The following CCDC93 variants were observed in gnomAD, a reference collection of about 807,000 sequenced individuals.
CCDC93 encodes CCC complex scaffolding subunit CCDC93.
CCDC93 carries 61 observed loss-of-function variants against 108.2 expected under a neutral mutation model. That is an observed-to-expected ratio of 0.56 (90% CI 0.46 to 0.70). CCDC93 has a LOEUF of 0.70. CCDC93 is among the 30% of genes least tolerant of loss of function. The probability of loss-of-function intolerance (pLI) is 0.00; values close to 1 mark genes in which losing one functional copy is unlikely to be tolerated. For synonymous variants in CCDC93, 276 were observed against 260.4 expected (o/e 1.06, Z -0.58); for missense variants, 685 against 764.2 (o/e 0.90, Z 1.22).
At chr2:117,993,299 G>A (rs370876013) in intron 6 of CCDC93, among the ~76,000 whole-genome samples, 187 of 152,096 alleles carry the variant, frequency 1.2e-3, no homozygotes, top group African/African-American at 4.3e-3. Flanking sequence ...GGGAGGCTGA[G>A]GCAGGAGAAT....
In CCDC93 at chr2:117,995,520, G is replaced by A; in HGVS notation, c.463-18C>T. 1 of 1,603,334 alleles carries A rather than the reference G, an allele frequency of 6.2e-7. No homozygotes were observed. Among genetic ancestry groups the A allele is most frequent in the South Asian group, 1.1e-5 (1 of 90,744 alleles). ...TCATCATCCTACAAGACAAAACAGA[G>A]CGATTAAACAAATCCCAAGGGAAAA... On this transcript the variant is annotated intron_variant, in intron 5 of 23. Coordinates refer to ENST00000376300, the MANE Select transcript of CCDC93 (RefSeq NM_019044.5).
chr2:117,960,780 T>C (rs1161359076), intron 11 of CCDC93, among the ~76,000 whole-genome samples: 2 of 152,186 alleles, frequency 1.3e-5, no homozygotes, highest in African/African-American at 2.4e-5. Context: ...TAATATGTTA[T>C]TTGCCTTTTC....
chr2:117,941,104 G>T, intron 19 of CCDC93, 85 bp downstream of exon 19: 1 of 942,748 alleles, frequency 1.1e-6, no homozygotes. Context: ...GTGCTCTGGT[G>T]CATGCTCCCC....
At chr2:117,932,737 G>C (rs1475557457) in intron 22 of CCDC93, among the ~76,000 whole-genome samples, 1 of 152,174 alleles carries the variant, frequency 6.6e-6, no homozygotes, top group Non-Finnish European at 1.5e-5. Context: ...CTGCCTGCAT[G>C]GGTCTCTGAC....
chr2:118,009,057 T>C (rs1676954446), intron 1 of CCDC93: 1 of 157,448 alleles, frequency 6.4e-6, no homozygotes, highest in African/African-American at 2.4e-5. Flanking sequence ...TTTTATGGTG[T>C]TTTCTAAAAA....
Position 117,948,200 on chromosome 2 carries a change from A to C in CCDC93, c.1143-14T>G. The C allele has an allele frequency of 6.3e-7, 1 of 1,598,228 alleles. No homozygotes were observed. Among genetic ancestry groups the C allele is most frequent in the Non-Finnish European group, 8.6e-7 (1 of 1,167,338 alleles). On this transcript the variant is annotated splice_polypyrimidine_tract_variant and intron_variant, in intron 14 of 23. Transcript: ENST00000376300. ...TTCTGTAGGATACTGAAGAGAAAAG[A>C]CAAAAAAATGACATATGGCAGGCCA...
intron 23 of CCDC93, among the ~76,000 whole-genome samples, chr2:117,925,701 T>C (rs1304545598): frequency 1.3e-5 from 2 of 151,112 alleles, no homozygotes; most frequent in African/African-American, 4.8e-5. Flanking sequence ...CTGTCAACAT[T>C]AGATCAACAA....
intron 23 of CCDC93, 49 bp from the exon 24 acceptor site, chr2:117,920,445 C>T: frequency 7.6e-7 from 1 of 1,314,296 alleles, no homozygotes; most frequent in Non-Finnish European, 1.1e-6. Context: ...ACATTAGCAC[C>T]CATGTGAGGC....
rs376751954 is a variant in CCDC93 at position 117,977,946 on chromosome 2, C to G, written c.657+48G>C. ...AGTGTTAGTCAGAGGTGAAGGGAGT[C>G]ACTTCCATCTCTCAAGTATTCTCTC... On this transcript the variant is annotated intron_variant, in intron 8 of 23. Coordinates refer to ENST00000376300, the MANE Select transcript of CCDC93 (RefSeq NM_019044.5). 3 of 1,544,480 alleles carry G rather than the reference C, an allele frequency of 1.9e-6. No homozygotes were observed. In the African/African-American group the frequency reaches 4.1e-5, roughly 21 times the overall value.
chr2:117,946,788 A>G, intron 16 of CCDC93, 23 bp downstream of exon 16: 3 of 1,568,212 alleles, frequency 1.9e-6, no homozygotes, highest in Non-Finnish European at 2.6e-6. Flanking sequence ...TGAGAGTCTC[A>G]AGGACTAATT....
intron 1 of CCDC93, among the ~76,000 whole-genome samples, chr2:118,011,296 C>A (rs1184579817): frequency 6.6e-6 from 1 of 152,152 alleles, no homozygotes; most frequent in Non-Finnish European, 1.5e-5. Context: ...GACTGATAAT[C>A]CCCTGCAATA....
chr2:118,012,273 C>CA lies in CCDC93; in HGVS notation c.42+1680dup, dbSNP rs34723469. On this transcript the variant is annotated intron_variant, in intron 1 of 23. Transcript: ENST00000376300. ...TCGGTGACAGAGTGAGACTCTGTCT[C>CA]AAAAAAAAAAAAAAGAATGAATTTA... 9.7e-3 allele frequency among the ~76,000 whole-genome samples: 1,291 copies of CA among 133,072 alleles called. 11 individuals carry two copies. The highest frequency in any genetic ancestry group is 0.013 in the African/African-American group (494 of 36,598). The allele number at this position is 133,072 out of a possible 152,430, so 87.3% of individuals were successfully genotyped here.
chr2:118,007,423 G>A (rs1225375278), intron 2 of CCDC93, among the ~76,000 whole-genome samples: 1 of 152,224 alleles, frequency 6.6e-6, no homozygotes, highest in African/African-American at 2.4e-5. Flanking sequence ...TGTAATCCCA[G>A]CACTTTGGGA....
At chr2:117,963,718 A>C (rs1461965040) in intron 11 of CCDC93, among the ~76,000 whole-genome samples, 1 of 152,186 alleles carries the variant, frequency 6.6e-6, no homozygotes, top group African/African-American at 2.4e-5. Context: ...CCTCCTCTTT[A>C]ATCCCCATAC....
chr2:117,981,247 G>C (rs1471712644), intron 7 of CCDC93, among the ~76,000 whole-genome samples: 1 of 152,164 alleles, frequency 6.6e-6, no homozygotes, highest in Non-Finnish European at 1.5e-5. Context: ...GCAGTTCAGT[G>C]CCTGGCACAT....
intron 1 of CCDC93, among the ~76,000 whole-genome samples, chr2:118,011,586 T>C (rs1265936968): frequency 6.6e-6 from 1 of 152,082 alleles, no homozygotes; most frequent in African/African-American, 2.4e-5. Context: ...ATAATATAAG[T>C]ACTTTCTTAA....
intron 8 of CCDC93, among the ~76,000 whole-genome samples, 200 bp from the exon 9 acceptor site, chr2:117,975,480 T>C (rs1283734953): frequency 2.6e-5 from 4 of 152,200 alleles, no homozygotes; most frequent in Non-Finnish European, 5.9e-5. Context: ...AACTGGCAAA[T>C]GCCTGTTTCC....
intron 7 of CCDC93, among the ~76,000 whole-genome samples, chr2:117,980,109 C>T (rs1680071829): frequency 6.6e-6 from 1 of 152,170 alleles, no homozygotes; most frequent in East Asian, 1.9e-4. Flanking sequence ...CACCAGCTTC[C>T]CAATCCTACA....
At chr2:117,977,948 C>T (rs199532191) in intron 8 of CCDC93, 46 bp downstream of exon 8, 53 of 1,566,906 alleles carry the variant, frequency 3.4e-5, no homozygotes, top group South Asian at 1.0e-4. Context: ...AAGGGAGTCA[C>T]TTCCATCTCT....
Sources: allele counts gnomAD v4.1 joint callset (sites outside exome capture counted in the v4.1 genomes callset), GRCh38; gene constraint gnomAD v4.1.1; transcripts MANE v1.5; gene names NCBI Gene and HGNC (gene_info 2026-07-23, HGNC 2026-07-21).